The following ATF3 variants were observed in gnomAD, a reference collection of about 807,000 sequenced individuals.
The protein encoded by ATF3 is activating transcription factor 3.
In ATF3, 10 loss-of-function variants were observed where a neutral mutation model predicts 18.4. The ratio of observed to expected loss-of-function variants is 0.54; its 90% CI spans 0.34 to 0.92. The LOEUF (loss-of-function observed/expected upper bound fraction) is 0.92, where lower values mean the gene tolerates loss of function less well. ATF3 is among the 40% of genes least tolerant of loss of function. The pLI, the probability that ATF3 is intolerant of heterozygous loss-of-function variation, is 0.02. For missense variants in ATF3, 183 were observed against 222.3 expected, an observed-to-expected ratio of 0.82 and a Z score of 1.12; for synonymous variants, 78 against 87.9, an observed-to-expected ratio of 0.89 and a Z score of 0.63.
chr1:212,599,954 C>T (rs544481859), intron 1 of ATF3, among the ~76,000 whole-genome samples: 3 of 152,274 alleles, frequency 2.0e-5, no homozygotes, highest in East Asian at 1.9e-4. Flanking sequence ...GGAGGGCCCC[C>T]GAAAGTGAGG....
At chr1:212,607,411 T>C (rs999768003), upstream of ATF3, among the ~76,000 whole-genome samples, 1 of 152,202 alleles carries the variant, frequency 6.6e-6, no homozygotes, top group Non-Finnish European at 1.5e-5. Context: ...CCACGGGCAG[T>C]CAAGAAGGTT....
chr1:212,614,440 G>A (rs1163370049), intron 1 of ATF3, among the ~76,000 whole-genome samples: 1 of 152,148 alleles, frequency 6.6e-6, no homozygotes, highest in Non-Finnish European at 1.5e-5. Context: ...AACTTCGGGG[G>A]AGAAGCTTCA....
Position 212,619,521 on chromosome 1 carries a change from T to C in ATF3, c.512T>C (p.Ile171Thr), listed in dbSNP as rs376448976. The C allele has an allele frequency of 6.4e-5, 104 of 1,614,034 alleles. No individual in the cohort carries two copies. The highest frequency in any genetic ancestry group is 8.2e-5 in the Non-Finnish European group (97 of 1,180,020). The change falls in exon 4 of 4, where the codon ATC (isoleucine) becomes ACC (threonine). Residue 171 changes from isoleucine (I) to threonine (T), a missense_variant. Coordinates refer to ENST00000341491, the MANE Select transcript of ATF3 (RefSeq NM_001674.4). The surrounding 1 kb of genome is among the most constrained non-coding windows in gnomAD (Gnocchi z 4.4). ...CCAGAAGATGAGAGAAACCTCTTTA[T>C]CCAACAGATAAAAGAAGGAACATTG... ...RTPEDERNLF[I>T]QQIKEGTLQS
chr1:212,619,740 T>G lies in ATF3; in HGVS notation c.*185T>G. 1 of 715,434 alleles carries G rather than the reference T, an allele frequency of 1.4e-6. No homozygotes were observed. The highest frequency in any genetic ancestry group is 2.2e-6 in the Non-Finnish European group (1 of 449,044). The allele number at this position is 715,434 out of a possible 1,614,324, so 44.3% of individuals were successfully genotyped here. ...TCCCATTCTGCCCCAGAGTGGGTCT[T>G]GGACCAGGGCAAGTGCATCTTTGCC... On this transcript the variant is annotated 3_prime_UTR_variant, in exon 4 of 4. Coordinates refer to ENST00000341491, the MANE Select transcript of ATF3 (RefSeq NM_001674.4). The surrounding 1 kb of genome is among the most constrained non-coding windows in gnomAD (Gnocchi z 4.4).
In ATF3 at chr1:212,615,226, G is replaced by A. The variant is rs750197078; in HGVS notation, c.205G>A (p.Asp69Asn). 21 of 1,614,116 alleles carry A rather than the reference G, an allele frequency of 1.3e-5. 1 individual carries two copies. Among genetic ancestry groups the A allele is most frequent in the South Asian group, 4.4e-5 (4 of 91,076 alleles). ...SSALESVTVS[D>N]RPLGVSITKA... ...TGCGCTGGAATCAGTCACTGTCAGC[G>A]ACAGACCCCTCGGGGTGTCCATCAC... The change falls in exon 2 of 4, where the codon GAC (aspartate) becomes AAC (asparagine). Residue 69 changes from aspartate (D) to asparagine (N), a missense_variant. Coordinates refer to ENST00000341491, the MANE Select transcript of ATF3 (RefSeq NM_001674.4).
chr1:212,618,084 A>C lies in ATF3; in HGVS notation c.241-43A>C. 6.2e-7 allele frequency: 1 copy of C among 1,602,996 alleles called. No homozygotes were observed. The highest frequency in any genetic ancestry group is 8.5e-7 in the Non-Finnish European group (1 of 1,170,372). On this transcript the variant is annotated intron_variant, in intron 2 of 3. Coordinates refer to ENST00000341491, the MANE Select transcript of ATF3 (RefSeq NM_001674.4). The surrounding 1 kb of genome is among the most constrained non-coding windows in gnomAD (Gnocchi z 4.4). ...AGGCAGTGTATTTGAGGTAGGTGGC[A>C]TTTCTTACTGCCCTTTAAATGTGTT...
rs1315692334 is a variant in ATF3 at position 212,619,101 on chromosome 1, A to G, written c.349-257A>G. ...TGCATATGGGCTGTTGACTCATGCA[A>G]ATGAGGTATCTGAACTGCAGCTTCA... On this transcript the variant is annotated intron_variant, in intron 3 of 3. Coordinates refer to ENST00000341491, the MANE Select transcript of ATF3 (RefSeq NM_001674.4). This position sits in a 1 kb window ranked among gnomAD's most constrained non-coding sequence, Gnocchi z 4.4. The G allele has an allele frequency of 1.2e-6, 2 of 1,614,108 alleles. No individual in the cohort carries two copies. The highest frequency in any genetic ancestry group is 1.7e-6 in the Non-Finnish European group (2 of 1,180,010).
At chr1:212,601,451 A>G (rs1042928037) in intron 1 of ATF3, among the ~76,000 whole-genome samples, 8 of 152,238 alleles carry the variant, frequency 5.3e-5, no homozygotes, top group African/African-American at 1.4e-4. Context: ...GGCTAAAGAA[A>G]AGTAAACACA....
In ATF3 at chr1:212,618,818, C is replaced by G. The variant is rs1655243881; in HGVS notation, c.349-540C>G. On this transcript the variant is annotated intron_variant, in intron 3 of 3. Coordinates refer to ENST00000341491, the MANE Select transcript of ATF3 (RefSeq NM_001674.4). This position sits in a 1 kb window ranked among gnomAD's most constrained non-coding sequence, Gnocchi z 4.4. ...AAGCAGGGTGGCCGGTGGTGCTCAG[C>G]AGTCTTTCCAGTGGCTGTGTCCCTC... The G allele has an allele frequency of 1.6e-6, 1 of 608,816 alleles. No individual in the cohort carries two copies. 37.7% of individuals were successfully genotyped at this position (608,816 alleles called of 1,614,324 possible).
chr1:212,580,728 C>G (rs987063071), intron 1 of ATF3, among the ~76,000 whole-genome samples: 2 of 152,168 alleles, frequency 1.3e-5, no homozygotes, highest in African/African-American at 2.4e-5. Context: ...AAAATTGTGA[C>G]ATTGTCTAGG....
upstream of ATF3, among the ~76,000 whole-genome samples, chr1:212,608,071 C>T: frequency 6.6e-6 from 1 of 152,206 alleles, no homozygotes; most frequent in East Asian, 1.9e-4. Context: ...CGGCGGGCTT[C>T]TCGCGGTCCC....
chr1:212,578,971 T>G (rs983591635), intron 1 of ATF3, among the ~76,000 whole-genome samples: 1 of 151,560 alleles, frequency 6.6e-6, no homozygotes, highest in Non-Finnish European at 1.5e-5. Context: ...ACAAGCAACT[T>G]CTAGGAGCTA....
chr1:212,615,342 G>A (rs1447240503), intron 2 of ATF3, 81 bp downstream of exon 2: 2 of 1,522,120 alleles, frequency 1.3e-6, no homozygotes, highest in Non-Finnish European at 1.8e-6. Context: ...TCTAGGCAGG[G>A]GGCTGTTGTT....
chr1:212,574,552 T>C (rs1230973654), intron 1 of ATF3, among the ~76,000 whole-genome samples: 1 of 152,114 alleles, frequency 6.6e-6, no homozygotes, highest in Non-Finnish European at 1.5e-5. Flanking sequence ...ATATCCCTCT[T>C]ATTTTATTGT....
At chr1:212,607,720 G>C (rs185826917), upstream of ATF3, among the ~76,000 whole-genome samples, 3 of 152,290 alleles carry the variant, frequency 2.0e-5, no homozygotes, top group African/African-American at 7.2e-5. Flanking sequence ...AGAGCGGGGC[G>C]ACCCCCAGGC....
rs550075333 is a variant in ATF3, at chr1:212,582,975, G to A, written c.-5+17492G>A. On this transcript the variant is annotated intron_variant, in intron 1 of 3. Transcript: ENST00000366981. ...ATCCAGGTCTCTTGGGTTGCAAAAG[G>A]CTGACCCCTATTTCCATGGTACCAC... Among the ~76,000 whole-genome samples the A allele has an allele frequency of 4.6e-5, 7 of 152,004 alleles. No individual in the cohort carries two copies. In the East Asian group the frequency reaches 1.4e-3, roughly 29 times the overall value.
In ATF3 at chr1:212,617,781, C is replaced by T. The variant is rs373718516; in HGVS notation, c.241-346C>T. On this transcript the variant is annotated intron_variant, in intron 2 of 3. Coordinates refer to ENST00000341491, the MANE Select transcript of ATF3 (RefSeq NM_001674.4). ...GATGTTTACCAGACAGAATCTGTTT[C>T]GGCTTTAAATGATTATAGTTAATAC... Among the ~76,000 whole-genome samples the T allele has an allele frequency of 7.9e-5, 12 of 152,222 alleles. No homozygotes were observed. The East Asian group carries it at 1.5e-3, about 20-fold the overall frequency.
intron 1 of ATF3, among the ~76,000 whole-genome samples, chr1:212,570,042 C>T (rs1042111710): frequency 9.9e-5 from 15 of 152,054 alleles, no homozygotes; most frequent in Non-Finnish European, 2.2e-4. Context: ...CTGTTCAGAG[C>T]CTTTGCCTGT....
chr1:212,613,701 C>A, intron 1 of ATF3: 1 of 152,146 alleles, frequency 6.6e-6, no homozygotes, highest in Non-Finnish European at 1.5e-5. Flanking sequence ...AATGCCCAGA[C>A]CACACTCATC....
Sources: gnomAD v4.1 joint callset for allele counts (sites outside exome capture counted in the v4.1 genomes callset) on GRCh38, gnomAD v4.1.1 for gene constraint, Gnocchi (gnomAD v3.1) non-coding constraint, MANE v1.5 for transcripts, NCBI Gene and HGNC (gene_info 2026-07-23, HGNC 2026-07-21) for gene names.